CSMD1: variants seen among roughly 807,000 people sequenced by gnomAD.
CSMD1 encodes the protein CUB and sushi domain-containing protein 1.
A neutral mutation model predicts 417.5 loss-of-function variants in CSMD1; 213 were observed. The ratio of observed to expected loss-of-function variants is 0.51; its 90% CI spans 0.46 to 0.57. The LOEUF is 0.57. Ranked by LOEUF, CSMD1 falls within the 20% of genes least tolerant of loss-of-function variation. CSMD1 has a pLI of 0.00. For missense variants in CSMD1, 6,923 were observed against 4,529.7 expected (o/e 1.53, Z -15.17); for synonymous variants, 2,862 against 1,736.8 (o/e 1.65, Z -16.11).
At chr8:4,055,256 A>T (rs1351079274) in intron 3 of CSMD1, among the ~76,000 whole-genome samples, 1 of 152,198 alleles carries the variant, frequency 6.6e-6, no homozygotes, top group Admixed American at 6.5e-5. Flanking sequence ...CCTCAAATGA[A>T]TTCAGGTTAA....
chr8:3,635,475 C>G (rs1317570485), intron 7 of CSMD1, among the ~76,000 whole-genome samples: 1 of 148,440 alleles, frequency 6.7e-6, no homozygotes, highest in African/African-American at 2.5e-5. Context: ...TGGAGCAAGA[C>G]TCCATCTCTT....
intron 5 of CSMD1, among the ~76,000 whole-genome samples, chr8:3,826,253 C>T (rs1252220637): frequency 2.0e-5 from 3 of 152,050 alleles, no homozygotes; most frequent in Non-Finnish European, 2.9e-5. Flanking sequence ...CTGGTCAGCC[C>T]AGGCACGGGT....
chr8:4,731,762 GTGATGCTGGCTTC>G (rs1809887341), intron 1 of CSMD1, among the ~76,000 whole-genome samples: 1 of 152,170 alleles, frequency 6.6e-6, no homozygotes, highest in Non-Finnish European at 1.5e-5. Context: ...AGTTTGGGAA[GTGATGCTGGCTTC>G]TACCACCTAC....
intron 2 of CSMD1, among the ~76,000 whole-genome samples, chr8:4,478,273 G>C (rs1167777365): frequency 6.6e-6 from 1 of 152,086 alleles, no homozygotes; most frequent in East Asian, 1.9e-4. Flanking sequence ...TTGCTCCTAA[G>C]GTTGAAAATA....
At chr8:4,440,514 G>T (rs1808586) in intron 2 of CSMD1, among the ~76,000 whole-genome samples, 1 of 151,844 alleles carries the variant, frequency 6.6e-6, no homozygotes, top group Non-Finnish European at 1.5e-5. Context: ...AATTTCTATG[G>T]ATATAAAGAC....
At chr8:4,375,932 T>G (rs924865145) in intron 3 of CSMD1, among the ~76,000 whole-genome samples, 52 of 152,144 alleles carry the variant, frequency 3.4e-4, no homozygotes, top group African/African-American at 1.2e-3. Flanking sequence ...CTCTTAGATG[T>G]GCAGAGAGTT....
At chr8:4,871,464 G>C (rs1161639473) in intron 1 of CSMD1, among the ~76,000 whole-genome samples, 1 of 152,054 alleles carries the variant, frequency 6.6e-6, no homozygotes, top group African/African-American at 2.4e-5. Context: ...AAAGAAAGAT[G>C]CGTGTGAATA....
At chr8:3,345,472 A>C (rs1466798662) in intron 22 of CSMD1, among the ~76,000 whole-genome samples, 1 of 152,166 alleles carries the variant, frequency 6.6e-6, no homozygotes, top group Non-Finnish European at 1.5e-5. Context: ...ATCTGGGTTC[A>C]GGTTTCGCAC....
At chr8:3,679,599 C>A (rs1347017078) in intron 7 of CSMD1, among the ~76,000 whole-genome samples, 1 of 152,090 alleles carries the variant, frequency 6.6e-6, no homozygotes, top group East Asian at 1.9e-4. Flanking sequence ...GTCTTTAACA[C>A]CCCACTGTCA....
intron 1 of CSMD1, among the ~76,000 whole-genome samples, chr8:4,681,909 A>C (rs1209041753): frequency 6.6e-6 from 1 of 151,822 alleles, no homozygotes. Context: ...AGTAAGCCCT[A>C]CCTCGTGCTT....
intron 3 of CSMD1, among the ~76,000 whole-genome samples, chr8:4,139,599 G>A (rs545534361): frequency 3.3e-5 from 5 of 151,198 alleles, no homozygotes; most frequent in East Asian, 1.9e-4. Flanking sequence ...TGGGCATCAA[G>A]GGGACAAGGA....
intron 2 of CSMD1, among the ~76,000 whole-genome samples, chr8:4,484,151 G>A (rs1197879464): frequency 6.6e-6 from 1 of 151,680 alleles, no homozygotes; most frequent in Non-Finnish European, 1.5e-5. Context: ...GATTTGTGGA[G>A]GCCGCTTCCC....
chr8:4,026,328 G>A (rs947282801), intron 4 of CSMD1, among the ~76,000 whole-genome samples: 5 of 152,162 alleles, frequency 3.3e-5, no homozygotes, highest in African/African-American at 4.8e-5. Context: ...AAATGTAAAT[G>A]TAATAATCTA....
intron 3 of CSMD1, among the ~76,000 whole-genome samples, chr8:4,275,951 A>C (rs1040677007): frequency 6.6e-6 from 1 of 152,210 alleles, no homozygotes; most frequent in Non-Finnish European, 1.5e-5. Flanking sequence ...AACCATGAAT[A>C]GTTAAAAAGT....
chr8:4,748,091 C>T (rs1468242183), intron 1 of CSMD1, among the ~76,000 whole-genome samples: 1 of 152,180 alleles, frequency 6.6e-6, no homozygotes, highest in African/African-American at 2.4e-5. Context: ...TGAAATATGA[C>T]TGATGAAAAT....
At chr8:4,279,585 T>C (rs1796669425) in intron 3 of CSMD1, among the ~76,000 whole-genome samples, 1 of 152,196 alleles carries the variant, frequency 6.6e-6, no homozygotes, top group Non-Finnish European at 1.5e-5. Flanking sequence ...ACGGTTTTAT[T>C]GCCCTAAACA....
intron 3 of CSMD1, among the ~76,000 whole-genome samples, chr8:4,414,025 G>C (rs191908174): frequency 7.9e-5 from 12 of 151,928 alleles, no homozygotes; most frequent in Non-Finnish European, 1.8e-4. Flanking sequence ...TCTTGTGCTA[G>C]CACGTTCTTG....
intron 3 of CSMD1, among the ~76,000 whole-genome samples, chr8:4,286,684 A>C (rs1797073566): frequency 6.6e-6 from 1 of 152,228 alleles, no homozygotes; most frequent in Non-Finnish European, 1.5e-5. Flanking sequence ...TTGTAGGGCC[A>C]CAGTGGAAAT....
rs530595724 is a variant in CSMD1, at chr8:4,491,117, C to T, written c.303-71052G>A. ...ATGGGTACTAGGCTTAATATGCGGG[C>T]AATGAAATAATCTCTACAACAAACC... On this transcript the variant is annotated intron_variant, in intron 2 of 69. Coordinates refer to ENST00000635120, the MANE Select transcript of CSMD1 (RefSeq NM_033225.6). Among the ~76,000 whole-genome samples the T allele has an allele frequency of 5.9e-5, 9 of 152,110 alleles. No individual in the cohort carries two copies. The South Asian group carries it at 1.7e-3, about 28-fold the overall frequency.
Sources: allele counts gnomAD v4.1 joint callset (sites outside exome capture counted in the v4.1 genomes callset), GRCh38; gene constraint gnomAD v4.1.1; transcripts MANE v1.5; gene names NCBI Gene and HGNC (gene_info 2026-07-23, HGNC 2026-07-21).